The following ERGIC2 variants were observed in gnomAD, a reference collection of about 807,000 sequenced individuals.
ERGIC2 encodes ERGIC and golgi 2.
In ERGIC2, 31 loss-of-function variants were observed where a neutral mutation model predicts 52.5. That is an observed-to-expected ratio of 0.59 (90% confidence interval 0.44 to 0.80). ERGIC2 has a LOEUF of 0.80. Ranked by LOEUF, ERGIC2 falls within the 30% of genes least tolerant of loss-of-function variation. The pLI is 0.00. For synonymous variants in ERGIC2, 129 were observed against 140.6 expected (o/e 0.92, Z 0.58); for missense variants, 395 against 455.2 (o/e 0.87, Z 1.20).
intron 1 of ERGIC2, among the ~76,000 whole-genome samples, chr12:29,376,581 C>A (rs1940517870): frequency 6.6e-6 from 1 of 152,160 alleles, no homozygotes; most frequent in Non-Finnish European, 1.5e-5. Flanking sequence ...ACTGTTCCAC[C>A]TCTAAAATCC....
chr12:29,346,315 C>T (rs1940050865), intron 10 of ERGIC2, among the ~76,000 whole-genome samples: 1 of 151,364 alleles, frequency 6.6e-6, no homozygotes, highest in Non-Finnish European at 1.5e-5. Flanking sequence ...CAGCCTCCTG[C>T]GTAGCTGGGA....
intron 11 of ERGIC2, among the ~76,000 whole-genome samples, chr12:29,344,796 A>G (rs997673288): frequency 6.6e-6 from 1 of 152,232 alleles, no homozygotes; most frequent in African/African-American, 2.4e-5. Context: ...ATTCTTCTGG[A>G]TACAAGTGTT....
In ERGIC2 at chr12:29,374,653, A is replaced by G. The variant is rs543629603; in HGVS notation, c.-37-2983T>C. On this transcript the variant is annotated intron_variant, in intron 1 of 13. Coordinates refer to ENST00000360150, the MANE Select transcript of ERGIC2 (RefSeq NM_016570.3). ...GTATCTATCTTAATGATAACACCAT[A>G]AGCCCAACTACACAAGCCAGAAACA... 3.9e-5 allele frequency among the ~76,000 whole-genome samples: 6 copies of G among 152,292 alleles called. No individual in the cohort carries two copies. In the East Asian group the frequency reaches 1.2e-3, roughly 29 times the overall value.
intron 1 of ERGIC2, among the ~76,000 whole-genome samples, chr12:29,375,376 AG>A (rs1489688574): frequency 6.6e-6 from 1 of 152,160 alleles, no homozygotes; most frequent in African/African-American, 2.4e-5. Context: ...TATTGAGAAA[AG>A]GAAGGAAGGA....
chr12:29,341,521 C>A (rs1001153923), intron 13 of ERGIC2, among the ~76,000 whole-genome samples: 12 of 152,108 alleles, frequency 7.9e-5, no homozygotes, highest in African/African-American at 2.9e-4. Context: ...CAGGCTTGCA[C>A]CACCTTGCCT....
intron 11 of ERGIC2, among the ~76,000 whole-genome samples, chr12:29,343,499 A>C (rs1222589800): frequency 1.3e-5 from 2 of 152,216 alleles, no homozygotes; most frequent in Non-Finnish European, 2.9e-5. Flanking sequence ...CTATCAAAAG[A>C]GCAGAATCAT....
At chr12:29,369,200 G>A (rs565368523) in intron 3 of ERGIC2, among the ~76,000 whole-genome samples, 82 of 151,952 alleles carry the variant, frequency 5.4e-4, no homozygotes, top group Non-Finnish European at 1.1e-3. Context: ...ACAAACTTCT[G>A]CATATCCTCA....
rs1303724209 is a variant in ERGIC2 at position 29,370,255 on chromosome 12, T to G, written c.107-33A>C. On this transcript the variant is annotated intron_variant, in intron 2 of 13. Transcript: ENST00000360150. The stretch of plus-strand genomic sequence containing the variant: ...ATCCAACAACAAAAGAAAAACAGAA[T>G]TAAAACAATAAAAAAAGCAAAGAAT... The G allele has an allele frequency of 2.0e-6, 3 of 1,513,302 alleles. No homozygotes were observed. The African/African-American group carries it at 4.4e-5, about 22-fold the overall frequency. 93.7% of individuals were successfully genotyped at this position (1,513,302 alleles called of 1,614,324 possible). A position where few individuals can be genotyped will look rare whatever the true frequency, so the allele number is the denominator to read the frequency against.
Position 29,339,417 on chromosome 12 carries a change from ACAAT to A in ERGIC2, c.*1735_*1738del, listed in dbSNP as rs1484025175. Reference sequence around the variant, plus strand: ...TCTTCCAAGCATACTTAAAGGACCAACAATCAGTCTACAATTCTAATCCTTTCCT... The same window carrying A: ...TCTTCCAAGCATACTTAAAGGACCAACAGTCTACAATTCTAATCCTTTCCT... On this transcript the variant is annotated 3_prime_UTR_variant, in exon 14 of 14. Coordinates refer to ENST00000360150, the MANE Select transcript of ERGIC2 (RefSeq NM_016570.3). 1 of 152,162 alleles carries A rather than the reference ACAAT, an allele frequency of 6.6e-6. No homozygotes were observed. The highest frequency in any genetic ancestry group is 6.5e-5 in the Admixed American group (1 of 15,284). The allele number at this position is 152,162 out of a possible 1,614,324, so 9.4% of individuals were successfully genotyped here.
chr12:29,356,466 G>T lies in ERGIC2; in HGVS notation c.488C>A (p.Ser163Ter). Residue 163 changes from serine to a stop codon, truncating the protein, a stop_gained, in exon 8 of 14, where the codon TCA becomes TAA. Transcript: ENST00000360150. LOFTEE classifies it high-confidence loss of function. ...STALPPREDDSSQSPNACRIH... is the reference protein window; with the variant it reads ...STALPPREDD ...TCTGCATGCATTTGGAGACTGTGAT[G>T]AATCATCTTCTCTGTTAAAATAAGA... is the stretch of plus-strand genomic sequence containing the variant. 6.4e-7 allele frequency: 1 copy of T among 1,561,760 alleles called. No homozygotes were observed. Among genetic ancestry groups the T allele is most frequent in the South Asian group, 1.1e-5 (1 of 89,854 alleles).
At chr12:29,371,436 T>C in intron 2 of ERGIC2, 92 bp downstream of exon 2, 3 of 802,326 alleles carry the variant, frequency 3.7e-6, no homozygotes, top group Admixed American at 2.8e-5. Flanking sequence ...CATTGATAAA[T>C]TCTTCCTCAT....
intron 11 of ERGIC2, among the ~76,000 whole-genome samples, chr12:29,343,553 T>C (rs1349360772): frequency 6.6e-6 from 1 of 152,212 alleles, no homozygotes; most frequent in African/African-American, 2.4e-5. Context: ...AGTTTTCTAC[T>C]GAGCTCAAGA....
At chr12:29,374,287 T>C (rs1940484616) in intron 1 of ERGIC2, among the ~76,000 whole-genome samples, 1 of 152,232 alleles carries the variant, frequency 6.6e-6, no homozygotes. Flanking sequence ...CTTCTTTTTC[T>C]TCTCGAAACA....
At chr12:29,369,071 T>C (rs1323971452) in intron 3 of ERGIC2, among the ~76,000 whole-genome samples, 2 of 151,910 alleles carry the variant, frequency 1.3e-5, no homozygotes, top group African/African-American at 4.8e-5. Flanking sequence ...TGATTTAAAA[T>C]AGGAATTACA....
intron 10 of ERGIC2, among the ~76,000 whole-genome samples, chr12:29,347,140 C>G (rs1421670860): frequency 6.6e-6 from 1 of 152,204 alleles, no homozygotes; most frequent in Admixed American, 6.5e-5. Flanking sequence ...CTCCACTTCT[C>G]TCTCACTCAT....
rs1949808031 is a variant in ERGIC2 at position 29,337,889 on chromosome 12, T to A, written c.*3267A>T. ...TCTCTTACACTATTAAAAAATTAGA[T>A]CTGTCCAGGGGCAGTGGCTCATGCC... On this transcript the variant is annotated 3_prime_UTR_variant, in exon 14 of 14. Coordinates refer to ENST00000360150, the MANE Select transcript of ERGIC2 (RefSeq NM_016570.3). 1 of 152,154 alleles carries A rather than the reference T, an allele frequency of 6.6e-6. No homozygotes were observed. The highest frequency in any genetic ancestry group is 6.6e-5 in the Admixed American group (1 of 15,264). The allele number at this position is 152,154 out of a possible 1,614,324, so 9.4% of individuals were successfully genotyped here. A position where few individuals can be genotyped will look rare whatever the true frequency, so the allele number is the denominator to read the frequency against.
chr12:29,368,421 T>A, intron 3 of ERGIC2, 134 bp from the exon 4 acceptor site: 1 of 564,834 alleles, frequency 1.8e-6, no homozygotes, highest in South Asian at 2.4e-5. Flanking sequence ...GAATTGCATT[T>A]CTCATGGCCA....
rs942987190 is a variant in ERGIC2, at chr12:29,340,405, T to A, written c.*751A>T. On this transcript the variant is annotated 3_prime_UTR_variant, in exon 14 of 14. Transcript: ENST00000360150. ...AAACTTGGCATCTTTTTTAAAAAAATGTGCTTTCTTTTCCGTGTATAAGAT... is the reference window on the plus strand; with the variant it reads ...AAACTTGGCATCTTTTTTAAAAAAAAGTGCTTTCTTTTCCGTGTATAAGAT... The A allele has an allele frequency of 6.6e-6, 1 of 152,328 alleles. No individual in the cohort carries two copies. Among genetic ancestry groups the A allele is most frequent in the African/African-American group, 2.4e-5 (1 of 41,452 alleles). The allele number at this position is 152,328 out of a possible 1,614,324, so 9.4% of individuals were successfully genotyped here. A position where few individuals can be genotyped will look rare whatever the true frequency, so the allele number is the denominator to read the frequency against.
intron 12 of ERGIC2, 124 bp downstream of exon 12, chr12:29,342,996 T>G: frequency 8.2e-6 from 6 of 735,578 alleles, no homozygotes; most frequent in Non-Finnish European, 1.2e-5. Flanking sequence ...GTTTTGTAAT[T>G]AAAGCAAAAG....
Sources: allele counts gnomAD v4.1 joint callset (sites outside exome capture counted in the v4.1 genomes callset), GRCh38; gene constraint gnomAD v4.1.1; transcripts MANE v1.5; gene names NCBI Gene and HGNC (gene_info 2026-07-23, HGNC 2026-07-21).